TULP4: variants seen among roughly 807,000 people sequenced by gnomAD.
The protein encoded by TULP4 is tubby-related protein 4.
In TULP4, 16 loss-of-function variants were observed where a neutral mutation model predicts 129.0. The observed-to-expected ratio is 0.12, with a 90% CI of 0.08 to 0.19. The LOEUF is 0.19. Ranked by LOEUF, TULP4 falls within the 10% of genes least tolerant of loss-of-function variation. The probability of loss-of-function intolerance (pLI) is 1.00; values close to 1 mark genes in which losing one functional copy is unlikely to be tolerated. For synonymous variants in TULP4, 998 were observed against 854.0 expected, an observed-to-expected ratio of 1.17 and a Z score of -2.94; for missense variants, 1,842 against 2,059.1, an observed-to-expected ratio of 0.89 and a Z score of 2.04.
At chr6:158,243,294 A>T (rs1777960655) in intron 1 of TULP4, among the ~76,000 whole-genome samples, 1 of 152,028 alleles carries the variant, frequency 6.6e-6, no homozygotes, top group East Asian at 1.9e-4. Context: ...AAAGAAAAAG[A>T]CCCCTTAAAA....
At chr6:158,260,706 AT>A (rs1402168188) in intron 1 of TULP4, among the ~76,000 whole-genome samples, 3 of 152,242 alleles carry the variant, frequency 2.0e-5, no homozygotes, top group Non-Finnish European at 2.9e-5. Context: ...AAATGCCAGC[AT>A]TTGAGCAGTG....
chr6:158,346,522 T>G (rs1456408616), intron 1 of TULP4, among the ~76,000 whole-genome samples: 2 of 152,238 alleles, frequency 1.3e-5, no homozygotes, highest in Non-Finnish European at 2.9e-5. Context: ...TTTGCTTTAT[T>G]ATAGTGATCT....
intron 1 of TULP4, among the ~76,000 whole-genome samples, chr6:158,315,786 G>A (rs752326814): frequency 3.3e-5 from 5 of 152,314 alleles, no homozygotes; most frequent in African/African-American, 9.6e-5. Context: ...ATGGCACCTC[G>A]TTCCTGTGTC....
chr6:158,372,404 G>A (rs1777094129), intron 1 of TULP4, among the ~76,000 whole-genome samples: 1 of 151,786 alleles, frequency 6.6e-6, no homozygotes, highest in Non-Finnish European at 1.5e-5. Context: ...ATTTAACATT[G>A]AACCACAAGA....
rs1779832427 is a variant in TULP4, at chr6:158,476,876, G to A, written c.1027-2875G>A. ...TGGCACTTCAGAGAGTCAGCACCAT[G>A]TAGTAAGATAAGGACCAGCAGTGGA... On this transcript the variant is annotated intron_variant, in intron 6 of 13. Coordinates refer to ENST00000367097, the MANE Select transcript of TULP4 (RefSeq NM_020245.5). Among the ~76,000 whole-genome samples, 11 of 152,210 alleles carry A rather than the reference G, an allele frequency of 7.2e-5. No homozygotes were observed. The South Asian group carries it at 2.3e-3, about 32-fold the overall frequency.
At chr6:158,468,903 G>A (rs1779612261) in intron 6 of TULP4, among the ~76,000 whole-genome samples, 2 of 152,166 alleles carry the variant, frequency 1.3e-5, no homozygotes, top group Non-Finnish European at 2.9e-5. Context: ...TAATCCCATC[G>A]TGAGGGTGGA....
chr6:158,422,732 A>G (rs1778375494), intron 2 of TULP4, among the ~76,000 whole-genome samples: 2 of 152,200 alleles, frequency 1.3e-5, no homozygotes, highest in Admixed American at 6.5e-5. Context: ...GCGATGTCAG[A>G]TTTGCATAGG....
intron 1 of TULP4, among the ~76,000 whole-genome samples, chr6:158,354,036 A>T (rs1170378871): frequency 2.0e-5 from 3 of 152,194 alleles, no homozygotes; most frequent in African/African-American, 7.2e-5. Context: ...AGATGTTCTC[A>T]TCTAGCATGT....
At chr6:158,376,084 T>C (rs1027387143) in intron 1 of TULP4, among the ~76,000 whole-genome samples, 11 of 152,190 alleles carry the variant, frequency 7.2e-5, no homozygotes, top group African/African-American at 2.7e-4. Context: ...AGAGCATTAG[T>C]GGCTGTCACC....
intron 1 of TULP4, among the ~76,000 whole-genome samples, chr6:158,406,768 A>G (rs979246196): frequency 6.6e-6 from 1 of 152,222 alleles, no homozygotes; most frequent in African/African-American, 2.4e-5. Context: ...TTCCTAATTC[A>G]GGCCTGGCTA....
chr6:158,401,563 C>T (rs1048070981), intron 1 of TULP4, among the ~76,000 whole-genome samples: 1 of 151,408 alleles, frequency 6.6e-6, no homozygotes, highest in Non-Finnish European at 1.5e-5. Flanking sequence ...TGGAGTTGTG[C>T]CGAGCCTCTT....
chr6:158,249,635 C>G (rs1417590347), intron 1 of TULP4, among the ~76,000 whole-genome samples: 1 of 152,232 alleles, frequency 6.6e-6, no homozygotes, highest in Non-Finnish European at 1.5e-5. Flanking sequence ...CTCACAACTT[C>G]AATGGCTGTG....
At chr6:158,275,533 T>C (rs922301819) in intron 1 of TULP4, among the ~76,000 whole-genome samples, 2 of 152,338 alleles carry the variant, frequency 1.3e-5, no homozygotes, top group South Asian at 4.1e-4. Context: ...CCACAGTTAC[T>C]ACTTTCTTTA....
intron 5 of TULP4, among the ~76,000 whole-genome samples, chr6:158,457,936 G>A (rs1779331805): frequency 6.7e-6 from 1 of 149,664 alleles, no homozygotes; most frequent in Non-Finnish European, 1.5e-5. Flanking sequence ...AAAAAAAAAT[G>A]TACCTGTTAT....
At position 158,243,086 on chromosome 6, in the gene TULP4, C is replaced by G. The variant is rs571424614; in HGVS notation, n.68+10783C>G. ...GCAGACGTGAGCCACCGCACCCGGCCTATCATGGAAATTTTAAAACATTGC... is the reference window on the plus strand; with the variant it reads ...GCAGACGTGAGCCACCGCACCCGGCGTATCATGGAAATTTTAAAACATTGC... On this transcript the variant is annotated intron_variant and non_coding_transcript_variant, in intron 1 of 1. Transcript: ENST00000620026. Among the ~76,000 whole-genome samples the G allele has an allele frequency of 1.1e-4, 16 of 152,284 alleles. No homozygotes were observed. The South Asian group carries it at 1.7e-3, about 16-fold the overall frequency.
At chr6:158,377,200 G>T (rs116062978) in intron 1 of TULP4, among the ~76,000 whole-genome samples, 1 of 152,198 alleles carries the variant, frequency 6.6e-6, no homozygotes, top group Admixed American at 6.5e-5. Flanking sequence ...CGCCTGCCAC[G>T]TGGCCAGCAC....
chr6:158,366,429 C>A (rs911693210), intron 1 of TULP4, among the ~76,000 whole-genome samples: 30 of 152,350 alleles, frequency 2.0e-4, no homozygotes, highest in African/African-American at 6.7e-4. Context: ...TCGAAGGCTG[C>A]AGGCTCTTGA....
intron 1 of TULP4, among the ~76,000 whole-genome samples, chr6:158,393,880 T>C (rs10945545): frequency 0.18 from 26,971 of 152,242 alleles, 3,286 homozygotes; most frequent in East Asian, 0.58. Flanking sequence ...TCTTTACTTA[T>C]GCAAATTTCT....
At position 158,239,009 on chromosome 6, in the gene TULP4, CAGAGGCGCCCCTCACCTCCCGGA is replaced by C. The variant is rs1453141809; in HGVS notation, n.68+6707_68+6729del. Among the ~76,000 whole-genome samples the C allele has an allele frequency of 4.9e-5, 7 of 142,886 alleles. No individual in the cohort carries two copies. In the East Asian group the frequency reaches 1.6e-3, roughly 32 times the overall value. 93.7% of individuals were successfully genotyped at this position (142,886 alleles called of 152,430 possible). A position where few individuals can be genotyped will look rare whatever the true frequency, so the allele number is the denominator to read the frequency against. On this transcript the variant is annotated intron_variant and non_coding_transcript_variant, in intron 1 of 1. Coordinates refer to the TULP4 transcript ENST00000620026. ...TCACTTCCCAGTAGGGGTGGCCGGG[CAGAGGCGCCCCTCACCTCCCGGA>C]CGAGGCGGCTGGCCGGGCGGGGGGC...
Sources: gnomAD v4.1 joint callset for allele counts (sites outside exome capture counted in the v4.1 genomes callset) on GRCh38, gnomAD v4.1.1 for gene constraint, MANE v1.5 for transcripts, NCBI Gene and HGNC (gene_info 2026-07-23, HGNC 2026-07-21) for gene names.